Variants in ALG1 observed in about 807,000 individuals in gnomAD.
The protein encoded by ALG1 is chitobiosyldiphosphodolichol beta-mannosyltransferase.
A neutral mutation model predicts 55.1 loss-of-function variants in ALG1; 58 were observed. The ratio of observed to expected loss-of-function variants is 1.05; its 90% CI spans 0.85 to 1.31. The LOEUF is 1.31. Among genes scored for constraint, ALG1 ranks in the 50% most tolerant of loss-of-function variants. The pLI is 0.00. For missense variants in ALG1, 761 were observed against 598.6 expected (o/e 1.27, Z -2.83); for synonymous variants, 309 against 247.0 (o/e 1.25, Z -2.35).
intron 9 of ALG1, 102 bp from the exon 10 acceptor site, chr16:5,080,844 T>A: frequency 6.7e-7 from 1 of 1,486,548 alleles, no homozygotes; most frequent in Non-Finnish European, 9.2e-7. Flanking sequence ...GGGGTGGAGC[T>A]TCTGGGAAAG....
intron 8 of ALG1, 74 bp from the exon 9 acceptor site, chr16:5,079,674 G>A: frequency 6.7e-7 from 1 of 1,503,328 alleles, no homozygotes; most frequent in South Asian, 1.1e-5. Context: ...GGGTGACAGA[G>A]TGAGAGTCTG....
rs763297928 is a variant in ALG1, at chr16:5,071,873, G to C, written c.24G>C (p.Leu8=). The change falls in exon 1 of 13, where the codon CTG becomes CTC. Residue 8 remains leucine (L), a synonymous_variant. Transcript: ENST00000262374. ...AGATGGCGGCCTCATGCTTGGTCCT[G>C]CTGGCGCTGTGTCTGCTGCTGCCGC... MAASCLV[L]LALCLLLPLL... is the part of the protein sequence containing the mutation. 8 of 1,604,634 alleles carry C rather than the reference G, an allele frequency of 5.0e-6. No homozygotes were observed. The highest frequency in any genetic ancestry group is 2.2e-5 in the East Asian group (1 of 44,656).
chr16:5,072,645 G>T lies in ALG1; in HGVS notation c.209-306G>T, dbSNP rs541792652. On this transcript the variant is annotated intron_variant, in intron 1 of 12. Transcript: ENST00000262374. ...ATGGGGTAGAGTGGGACTTCCTAGG[G>T]ATGGCTCTGTGGTGGGAAAATTCCA... 4.6e-5 allele frequency among the ~76,000 whole-genome samples: 7 copies of T among 152,248 alleles called. No homozygotes were observed. The South Asian group carries it at 8.3e-4, about 18-fold the overall frequency.
chr16:5,086,473 T>C lies in ALG1; in HGVS notation c.*1592T>C, dbSNP rs1413447183. 2 of 151,862 alleles carry C rather than the reference T, an allele frequency of 1.3e-5. No individual in the cohort carries two copies. Among genetic ancestry groups the C allele is most frequent in the South Asian group, 2.1e-4 (1 of 4,820 alleles). 9.4% of individuals were successfully genotyped at this position (151,862 alleles called of 1,614,324 possible). ...GATTCTTTTTTTTTGTTTTGAGATA[T>C]GATCTTGTTCTGTCACCCAGGCTGG... On this transcript the variant is annotated 3_prime_UTR_variant, in exon 13 of 13. Transcript: ENST00000262374.
chr16:5,085,093 T>G lies in ALG1; in HGVS notation c.*212T>G, dbSNP rs1294153199. 4 of 843,034 alleles carry G rather than the reference T, an allele frequency of 4.7e-6. No homozygotes were observed. Among genetic ancestry groups the G allele is most frequent in the Non-Finnish European group, 7.3e-6 (4 of 548,128 alleles). The allele number at this position is 843,034 out of a possible 1,614,324, so 52.2% of individuals were successfully genotyped here. On this transcript the variant is annotated 3_prime_UTR_variant, in exon 13 of 13. Coordinates refer to ENST00000262374, the MANE Select transcript of ALG1 (RefSeq NM_019109.5). ...TCTCTGGAGGCTTGGAAACGCTTCC[T>G]CTCTTCTTCTGTTCTTCACGCCCCA...
At chr16:5,078,430 G>A (rs920451412) in intron 6 of ALG1, 6 of 601,432 alleles carry the variant, frequency 1.0e-5, no homozygotes, top group African/African-American at 3.6e-5. Context: ...GCAGGTCTAC[G>A]CACCCTGAGG....
rs1442144835 is a variant in ALG1 at position 5,083,765 on chromosome 16, C to T, written c.1263+8C>T. 8.1e-6 allele frequency: 13 copies of T among 1,597,526 alleles called. No homozygotes were observed. The highest frequency in any genetic ancestry group is 4.0e-5 in the African/African-American group (3 of 74,846). ...CTGGCAGCTCAGCTGCAGGTAGCCA[C>T]GTCTGCCACCACGCCAGGGTGGGGA... On this transcript the variant is annotated splice_region_variant and intron_variant, in intron 12 of 12. Transcript: ENST00000262374.
At chr16:5,072,186 C>G in intron 1 of ALG1, 129 bp downstream of exon 1, 2 of 1,402,664 alleles carry the variant, frequency 1.4e-6, no homozygotes, top group Non-Finnish European at 1.9e-6. Flanking sequence ...CGAGATTAGA[C>G]GAGCGGTTCT....
chr16:5,073,091 T>G, intron 2 of ALG1, 62 bp from the exon 3 acceptor site: 1 of 1,612,450 alleles, frequency 6.2e-7, no homozygotes, highest in South Asian at 1.1e-5. Context: ...GGTGTTCGTT[T>G]GAAAAGCCGT....
intron 8 of ALG1, 72 bp downstream of exon 8, chr16:5,079,174 C>G (rs1956971785): frequency 6.4e-7 from 1 of 1,555,048 alleles, no homozygotes; most frequent in African/African-American, 1.4e-5. Flanking sequence ...CTTGCCTGGC[C>G]TGCAGCATGT....
chr16:5,085,741 A>G lies in ALG1; in HGVS notation c.*860A>G. The G allele has an allele frequency of 1.2e-6, 2 of 1,604,034 alleles. No individual in the cohort carries two copies. The highest frequency in any genetic ancestry group is 2.2e-5 in the East Asian group (1 of 44,832). On this transcript the variant is annotated 3_prime_UTR_variant, in exon 13 of 13. Coordinates refer to ENST00000262374, the MANE Select transcript of ALG1 (RefSeq NM_019109.5). ...TCTGATCCCGGCCCGGCCTGGAAAC[A>G]GAGCACATGTGTTTGAGGATGGCGG... is the stretch of plus-strand genomic sequence containing the variant.
intron 6 of ALG1, 162 bp from the exon 7 acceptor site, chr16:5,078,595 A>G: frequency 5.6e-6 from 7 of 1,249,914 alleles, no homozygotes; most frequent in Admixed American, 1.9e-5. Flanking sequence ...TATTAGAGAA[A>G]GCAAGCCCAG....
chr16:5,072,090 T>A (rs1487084661), intron 1 of ALG1, 33 bp downstream of exon 1: 1 of 1,552,676 alleles, frequency 6.4e-7, no homozygotes, highest in Admixed American at 1.9e-5. Context: ...GGGACGATGC[T>A]CTCTCAGCCG....
Position 5,084,828 on chromosome 16 carries a change from C to T in ALG1, c.1342C>T (p.Arg448Ter), listed in dbSNP as rs1047747. The T allele has an allele frequency of 4.6e-5, 73 of 1,595,048 alleles. No individual in the cohort carries two copies. Among genetic ancestry groups the T allele is most frequent in the East Asian group, 2.7e-4 (12 of 44,896 alleles). Residue 448 changes from arginine (R) to a stop codon, truncating the protein, a stop_gained, in exon 13 of 13, where the codon CGA becomes TGA. Coordinates refer to ENST00000262374, the MANE Select transcript of ALG1 (RefSeq NM_019109.5). LOFTEE classifies it high-confidence loss of function. Reference sequence around the variant, plus strand: ...GAACCTGCGGGAGTCGCAGCAGCTCCGATGGGATGAGAGCTGGGTGCAGAC... The same window carrying T: ...GAACCTGCGGGAGTCGCAGCAGCTCTGATGGGATGAGAGCTGGGTGCAGAC... ...RKNLRESQQL[R>*]WDESWVQTVL...
Position 5,078,978 on chromosome 16 carries a change from A to G in ALG1, c.863-86A>G, listed in dbSNP as rs552986033. 5.4e-5 allele frequency: 86 copies of G among 1,596,000 alleles called. No individual in the cohort carries two copies. The African/African-American group carries it at 1.1e-3, about 20-fold the overall frequency. On this transcript the variant is annotated intron_variant, in intron 7 of 12. Coordinates refer to ENST00000262374, the MANE Select transcript of ALG1 (RefSeq NM_019109.5). ...CAGTCCTGCATGCTCCCACCCTGCC[A>G]CGGTCTCAATGAGAACGGGAGGGCC...
intron 11 of ALG1, among the ~76,000 whole-genome samples, chr16:5,083,457 T>A (rs1220339352): frequency 1.3e-5 from 2 of 152,136 alleles, no homozygotes; most frequent in African/African-American, 4.8e-5. Context: ...CAAACCCCCC[T>A]TAAGGCTCCC....
chr16:5,082,779 A>C (rs1201920713), intron 11 of ALG1, 106 bp downstream of exon 11: 2 of 1,328,584 alleles, frequency 1.5e-6, no homozygotes, highest in Non-Finnish European at 2.1e-6. Context: ...CCCCTCGGTC[A>C]GTCCGGCACA....
rs1438023180 is a variant in ALG1 at position 5,086,101 on chromosome 16, C to G, written c.*1220C>G. Among the ~76,000 whole-genome samples, 1 of 152,164 alleles carries G rather than the reference C, an allele frequency of 6.6e-6. No individual in the cohort carries two copies. The highest frequency in any genetic ancestry group is 2.4e-5 in the African/African-American group (1 of 41,442). On this transcript the variant is annotated 3_prime_UTR_variant, in exon 13 of 13. Coordinates refer to ENST00000262374, the MANE Select transcript of ALG1 (RefSeq NM_019109.5). ...CTGTAATCCCAACACTTTGGGAGGC[C>G]AAGGCGGGCGGATCACTTGAGGTCA...
intron 12 of ALG1, 87 bp from the exon 13 acceptor site, chr16:5,084,663 G>A: frequency 1.3e-6 from 2 of 1,585,324 alleles, no homozygotes; most frequent in Non-Finnish European, 1.7e-6. Flanking sequence ...TTGTTGTTGG[G>A]TCGGGGACCT....
Sources: gnomAD v4.1 joint callset for allele counts (sites outside exome capture counted in the v4.1 genomes callset) on GRCh38, gnomAD v4.1.1 for gene constraint, MANE v1.5 for transcripts, NCBI Gene and HGNC (gene_info 2026-07-23, HGNC 2026-07-21) for gene names.